Variants in EPHB3 observed in about 807,000 individuals in gnomAD.
EPHB3 encodes EPH receptor B3, also known as ephrin type-B receptor 3.
Under a neutral mutation model 100.2 loss-of-function variants are expected in EPHB3, and 33 were observed. That is an observed-to-expected ratio of 0.33 (90% CI 0.25 to 0.44). EPHB3 has a LOEUF of 0.44. EPHB3 is among the 20% of genes least tolerant of loss of function. The probability of loss-of-function intolerance (pLI) is 1.00; values close to 1 mark genes in which losing one functional copy is unlikely to be tolerated. For synonymous variants in EPHB3, 526 were observed against 554.7 expected, an observed-to-expected ratio of 0.95 and a Z score of 0.73; for missense variants, 1,045 against 1,378.3, an observed-to-expected ratio of 0.76 and a Z score of 3.83.
At chr3:184,575,763 G>T (rs915394987) in intron 3 of EPHB3, 67 bp from the exon 4 acceptor site, 32 of 1,502,198 alleles carry the variant, frequency 2.1e-5, no homozygotes, top group Non-Finnish European at 2.4e-5. Context: ...GGTTCTCATG[G>T]AGCTGCGGAG....
rs9846652 is a variant in EPHB3 at position 184,569,877 on chromosome 3, C to T, written c.119-1441C>T. 0.083 allele frequency among the ~76,000 whole-genome samples: 12,708 copies of T among 152,334 alleles called. 556 individuals are homozygous for T. The highest frequency in any genetic ancestry group is 0.13 in the Middle Eastern group (37 of 294). On this transcript the variant is annotated intron_variant, in intron 1 of 15. Transcript: ENST00000330394. This position sits in a 1 kb window ranked among gnomAD's most constrained non-coding sequence, Gnocchi z 5.4. Reference sequence around the variant, plus strand: ...AGGCCTCCAGAGGTCCTGGGGCAACCCTGCCCCATTCCAGCTTCAGAGCTG... The same window carrying T: ...AGGCCTCCAGAGGTCCTGGGGCAACTCTGCCCCATTCCAGCTTCAGAGCTG...
chr3:184,577,470 C>A lies in EPHB3; in HGVS notation c.1479+3C>A. On this transcript the variant is annotated splice_donor_region_variant and intron_variant, in intron 6 of 15. Coordinates refer to ENST00000330394, the MANE Select transcript of EPHB3 (RefSeq NM_004443.4). The surrounding 1 kb of genome is among the most constrained non-coding windows in gnomAD (Gnocchi z 4.9). ...ACGAGATGAAGTACTTTGAGAAGGT[C>A]AGAACCTCAAGGGGCAGGAGGAGGC... The A allele has an allele frequency of 6.2e-7, 1 of 1,613,866 alleles. No homozygotes were observed. Among genetic ancestry groups the A allele is most frequent in the South Asian group, 1.1e-5 (1 of 91,000 alleles).
At chr3:184,575,318 A>G in intron 3 of EPHB3, 1 of 811,992 alleles carries the variant, frequency 1.2e-6, no homozygotes, top group Non-Finnish European at 1.5e-6. Context: ...CCAAGGGCAG[A>G]CAGGAGCTGC....
At position 184,569,974 on chromosome 3, in the gene EPHB3, C is replaced by G. The variant is rs189904864; in HGVS notation, c.119-1344C>G. 1.6e-3 allele frequency among the ~76,000 whole-genome samples: 242 copies of G among 152,362 alleles called. No individual in the cohort carries two copies. The highest frequency in any genetic ancestry group is 5.5e-3 in the African/African-American group (230 of 41,590). Reference sequence around the variant, plus strand: ...CTTCCTTTCCTGACCCAGGTCTAATCTGGGGGTCACACTGTCTTTCAGAGA... The same window carrying G: ...CTTCCTTTCCTGACCCAGGTCTAATGTGGGGGTCACACTGTCTTTCAGAGA... On this transcript the variant is annotated intron_variant, in intron 1 of 15. Coordinates refer to ENST00000330394, the MANE Select transcript of EPHB3 (RefSeq NM_004443.4). This position sits in a 1 kb window ranked among gnomAD's most constrained non-coding sequence, Gnocchi z 5.4.
Position 184,562,399 on chromosome 3 carries a change from C to A in EPHB3, c.118+46C>A. 1 of 1,192,458 alleles carries A rather than the reference C, an allele frequency of 8.4e-7. No homozygotes were observed. The highest frequency in any genetic ancestry group is 1.0e-6 in the Non-Finnish European group (1 of 962,576). The allele number at this position is 1,192,458 out of a possible 1,614,324, so 73.9% of individuals were successfully genotyped here. A position where few individuals can be genotyped will look rare whatever the true frequency, so the allele number is the denominator to read the frequency against. On this transcript the variant is annotated intron_variant, in intron 1 of 15. Coordinates refer to ENST00000330394, the MANE Select transcript of EPHB3 (RefSeq NM_004443.4). This position sits in a 1 kb window ranked among gnomAD's most constrained non-coding sequence, Gnocchi z 4.8. ...CGCCCGGGAACAAGGTGCCTGGGGT[C>A]GCGGGGCTGCGGGCTAGCAGCGTGG... is the stretch of plus-strand genomic sequence containing the variant.
rs1003176521 is a variant in EPHB3, at chr3:184,563,942, G to A, written c.118+1589G>A. On this transcript the variant is annotated intron_variant, in intron 1 of 15. Transcript: ENST00000330394. The surrounding 1 kb of genome is among the most constrained non-coding windows in gnomAD (Gnocchi z 4.1). ...TGGGTGCTGGTGCTGAGTGTGGAGT[G>A]GGAGTGTGGTTTGGGTCAGGTGCAC... Among the ~76,000 whole-genome samples, 14 of 152,226 alleles carry A rather than the reference G, an allele frequency of 9.2e-5. No homozygotes were observed. The highest frequency in any genetic ancestry group is 9.2e-4 in the Admixed American group (14 of 15,286).
chr3:184,574,238 A>G (rs148947365), intron 3 of EPHB3, among the ~76,000 whole-genome samples: 78 of 152,298 alleles, frequency 5.1e-4, no homozygotes, highest in African/African-American at 1.8e-3. Flanking sequence ...CCCTTATTGT[A>G]TACATGAGGA....
In EPHB3 at chr3:184,580,881, G is replaced by A; in HGVS notation, c.2538+3G>A. Reference sequence around the variant, plus strand: ...ACTGGGACATGAGCAACCAGGATGTGAGTGAGGCTACGCCAGAGTGGTTGG... The same window carrying A: ...ACTGGGACATGAGCAACCAGGATGTAAGTGAGGCTACGCCAGAGTGGTTGG... On this transcript the variant is annotated splice_donor_region_variant and intron_variant, in intron 13 of 15. Transcript: ENST00000330394. 1.2e-6 allele frequency: 2 copies of A among 1,613,374 alleles called. No individual in the cohort carries two copies. The highest frequency in any genetic ancestry group is 1.7e-6 in the Non-Finnish European group (2 of 1,179,396).
chr3:184,565,170 T>C lies in EPHB3; in HGVS notation c.118+2817T>C, dbSNP rs1323070066. On this transcript the variant is annotated intron_variant, in intron 1 of 15. Coordinates refer to ENST00000330394, the MANE Select transcript of EPHB3 (RefSeq NM_004443.4). The surrounding 1 kb of genome is among the most constrained non-coding windows in gnomAD (Gnocchi z 4.8). The stretch of plus-strand genomic sequence containing the variant: ...CCTGGGTCCTTGCTTGTCCTCGTGG[T>C]TGAAAACATGCCCTCCCCTTGCCCT... 6.6e-6 allele frequency among the ~76,000 whole-genome samples: 1 copy of C among 152,076 alleles called. No homozygotes were observed. The highest frequency in any genetic ancestry group is 2.4e-5 in the African/African-American group (1 of 41,418).
At position 184,573,606 on chromosome 3, in the gene EPHB3, T is replaced by TCTCTCTC. The variant is rs563273386; in HGVS notation, c.856+434_856+435insCTCCTCT. ...TTGTGCATGGCTTTTTACCCTGGGCTCTCTGCCCCTTGGGAGGCAGTATAT... is the reference window on the plus strand; with the variant it reads ...TTGTGCATGGCTTTTTACCCTGGGCTCTCTCTCCTCTGCCCCTTGGGAGGCAGTATAT... On this transcript the variant is annotated intron_variant, in intron 3 of 15. Transcript: ENST00000330394. This position sits in a 1 kb window ranked among gnomAD's most constrained non-coding sequence, Gnocchi z 4.5. 1.3e-5 allele frequency among the ~76,000 whole-genome samples: 2 copies of TCTCTCTC among 151,624 alleles called. No individual in the cohort carries two copies. The highest frequency in any genetic ancestry group is 4.9e-5 in the African/African-American group (2 of 41,220).
At position 184,570,605 on chromosome 3, in the gene EPHB3, T is replaced by A. The variant is rs150446521; in HGVS notation, c.119-713T>A. On this transcript the variant is annotated intron_variant, in intron 1 of 15. Transcript: ENST00000330394. ...GCCTGTCACTGCCCTCCCCTTCCCC[T>A]GGGCCTTGTGTGGGGCTGGGCCTTT... Among the ~76,000 whole-genome samples the A allele has an allele frequency of 6.7e-4, 102 of 152,334 alleles. No individual in the cohort carries two copies. The East Asian group carries it at 0.018, about 27-fold the overall frequency.
chr3:184,573,260 G>C lies in EPHB3; in HGVS notation c.856+84G>C. ...ACCGCCCCGCCCCCCACCCCTGCTT[G>C]CTATCTGACTAGGAGGTCTGGGAGC... On this transcript the variant is annotated intron_variant, in intron 3 of 15. Transcript: ENST00000330394. The surrounding 1 kb of genome is among the most constrained non-coding windows in gnomAD (Gnocchi z 4.5). The C allele has an allele frequency of 1.3e-6, 2 of 1,552,736 alleles. No homozygotes were observed. Among genetic ancestry groups the C allele is most frequent in the Non-Finnish European group, 1.7e-6 (2 of 1,149,890 alleles).
At position 184,575,882 on chromosome 3, in the gene EPHB3, A is replaced by T; in HGVS notation, c.909A>T (p.Pro303=). 2.5e-6 allele frequency: 4 copies of T among 1,613,362 alleles called. No individual in the cohort carries two copies. Among genetic ancestry groups the T allele is most frequent in the Non-Finnish European group, 3.4e-6 (4 of 1,179,732 alleles). The part of the protein sequence containing the change: ...KAKQGEGPCL[P]CPPNSRTTSP... ...AGCAGGGAGAGGGGCCCTGCCTCCC[A>T]TGTCCCCCCAACAGCCGTACCACCT... Residue 303 remains proline, a synonymous_variant, in exon 4 of 16, where the codon CCA becomes CCT. Coordinates refer to ENST00000330394, the MANE Select transcript of EPHB3 (RefSeq NM_004443.4).
intron 1 of EPHB3, among the ~76,000 whole-genome samples, chr3:184,568,592 A>ACCCCCCCCCC (rs113185340): frequency 5.3e-5 from 7 of 131,084 alleles, no homozygotes; most frequent in Non-Finnish European, 6.5e-5. Flanking sequence ...GGGTTCTATG[A>ACCCCCCCCCC]CCCCCCCCCC....
intron 3 of EPHB3, among the ~76,000 whole-genome samples, chr3:184,575,606 G>A (rs1452297173): frequency 6.6e-6 from 1 of 152,104 alleles, no homozygotes; most frequent in African/African-American, 2.4e-5. Context: ...TAGGGGTGAG[G>A]GGGGCAGGGG....
In EPHB3 at chr3:184,577,092, C is replaced by T. The variant is rs771706469; in HGVS notation, c.1263C>T (p.Tyr421=). Residue 421 remains tyrosine, a synonymous_variant, in exon 5 of 16, where the codon TAC becomes TAT. Coordinates refer to ENST00000330394, the MANE Select transcript of EPHB3 (RefSeq NM_004443.4). This position sits in a 1 kb window ranked among gnomAD's most constrained non-coding sequence, Gnocchi z 4.9. The part of the protein sequence containing the change: ...HISHLLAHTR[Y]TFEVQAVNGV... ...GCCATCTGCTGGCCCACACGCGCTA[C>T]ACCTTTGAGGTGCAGGCGGTCAACG... The T allele has an allele frequency of 1.4e-4, 223 of 1,613,438 alleles. No individual in the cohort carries two copies. The highest frequency in any genetic ancestry group is 1.8e-4 in the Non-Finnish European group (215 of 1,179,908).
chr3:184,568,893 C>G (rs1429981955), intron 1 of EPHB3, among the ~76,000 whole-genome samples: 1 of 151,768 alleles, frequency 6.6e-6, no homozygotes, highest in Non-Finnish European at 1.5e-5. Flanking sequence ...CTCCCTCCCT[C>G]CCTCTCTCGC....
intron 1 of EPHB3, among the ~76,000 whole-genome samples, chr3:184,566,554 G>A (rs1016528216): frequency 6.6e-6 from 1 of 152,168 alleles, no homozygotes; most frequent in East Asian, 1.9e-4. Flanking sequence ...TGACCTCCCT[G>A]TGTGTACAGG....
chr3:184,566,209 A>G (rs879812948), intron 1 of EPHB3, among the ~76,000 whole-genome samples: 8 of 152,182 alleles, frequency 5.3e-5, no homozygotes, highest in Non-Finnish European at 7.4e-5. Context: ...GTTAAGGGCT[A>G]GCTGTCCACC....
Sources: allele counts gnomAD v4.1 joint callset (sites outside exome capture counted in the v4.1 genomes callset), GRCh38; gene constraint gnomAD v4.1.1; non-coding constraint Gnocchi (gnomAD v3.1); transcripts MANE v1.5; gene names NCBI Gene and HGNC (gene_info 2026-07-23, HGNC 2026-07-21).